Variants in WDFY2 observed in about 807,000 individuals in gnomAD.
The protein encoded by WDFY2 is WD repeat and FYVE domain-containing protein 2.
In WDFY2, 36 loss-of-function variants were observed where a neutral mutation model predicts 56.4. That is an observed-to-expected ratio of 0.64 (90% confidence interval 0.49 to 0.84). The LOEUF (loss-of-function observed/expected upper bound fraction) is 0.84. WDFY2 is among the 40% of genes least tolerant of loss of function. The probability of loss-of-function intolerance (pLI) is 0.00; values close to 1 mark genes in which losing one functional copy is unlikely to be tolerated. For missense variants in WDFY2, 444 were observed against 512.2 expected, an observed-to-expected ratio of 0.87 and a Z score of 1.29; for synonymous variants, 176 against 183.7, an observed-to-expected ratio of 0.96 and a Z score of 0.34.
intron 1 of WDFY2, among the ~76,000 whole-genome samples, chr13:51,654,120 A>G (rs1350534577): frequency 6.6e-6 from 1 of 152,020 alleles, no homozygotes; most frequent in African/African-American, 2.4e-5. Flanking sequence ...CCCCTCCCCC[A>G]GCCTCGCTGC....
At position 51,759,834 on chromosome 13, in the gene WDFY2, T is replaced by G; in HGVS notation, c.*65T>G. ...AAACGGTTGTTTTAACCCAAATCAT[T>G]ACCAGAGTGGTAAAGCAGACATGTG... On this transcript the variant is annotated 3_prime_UTR_variant, in exon 12 of 12. Coordinates refer to ENST00000298125, the MANE Select transcript of WDFY2 (RefSeq NM_052950.4). 7.3e-7 allele frequency: 1 copy of G among 1,361,494 alleles called. No individual in the cohort carries two copies. The highest frequency in any genetic ancestry group is 1.0e-6 in the Non-Finnish European group (1 of 970,818). 84.3% of individuals were successfully genotyped at this position (1,361,494 alleles called of 1,614,324 possible).
intron 11 of WDFY2, among the ~76,000 whole-genome samples, chr13:51,759,257 A>G (rs1174095731): frequency 2.0e-5 from 3 of 152,228 alleles, no homozygotes; most frequent in African/African-American, 7.2e-5. Flanking sequence ...GGTATCTTGT[A>G]AAATGGTTTG....
At chr13:51,748,532 C>T (rs532370782) in intron 7 of WDFY2, among the ~76,000 whole-genome samples, 6 of 152,156 alleles carry the variant, frequency 3.9e-5, no homozygotes, top group South Asian at 2.1e-4. Context: ...ATAATCAAAG[C>T]GGTAAAACAT....
At chr13:51,719,127 C>T in intron 4 of WDFY2, 71 bp from the exon 5 acceptor site, 2 of 1,600,520 alleles carry the variant, frequency 1.2e-6, no homozygotes, top group Non-Finnish European at 1.7e-6. Context: ...AATGGTGCAT[C>T]TCTGTGGGCC....
rs189619611 is a variant in WDFY2, at chr13:51,695,569, G to A, written c.280-8027G>A. 4.4e-3 allele frequency among the ~76,000 whole-genome samples: 664 copies of A among 152,336 alleles called. 7 individuals are homozygous for A. The highest frequency in any genetic ancestry group is 0.016 in the African/African-American group (647 of 41,570). The stretch of plus-strand genomic sequence containing the variant: ...TTTTGTCTCAGAGGAGTACCCAGCT[G>A]TGTGAGGTGTCAGTCTGCCCCTACT... On this transcript the variant is annotated intron_variant, in intron 3 of 11. Transcript: ENST00000298125.
chr13:51,588,484 G>A (rs1363285046), intron 1 of WDFY2: 1 of 152,182 alleles, frequency 6.6e-6, no homozygotes, highest in African/African-American at 2.4e-5. Flanking sequence ...GGCAATTATA[G>A]GAAATCATTC....
intron 1 of WDFY2, among the ~76,000 whole-genome samples, chr13:51,645,259 T>C (rs1955243049): frequency 6.6e-6 from 1 of 151,994 alleles, no homozygotes; most frequent in South Asian, 2.1e-4. Flanking sequence ...TGTTGCAGGG[T>C]GTGATCTGTA....
At chr13:51,629,796 TGA>T (rs1321636870) in intron 1 of WDFY2, among the ~76,000 whole-genome samples, 8 of 149,770 alleles carry the variant, frequency 5.3e-5, no homozygotes, top group Non-Finnish European at 1.2e-4. Context: ...TTTAGTTCTT[TGA>T]TTTTTTTTTC....
At chr13:51,589,361 G>A (rs1429216599) in intron 1 of WDFY2, 2 of 152,012 alleles carry the variant, frequency 1.3e-5, no homozygotes, top group African/African-American at 4.8e-5. Flanking sequence ...TTTCTGCTTC[G>A]AGGGCCTTTT....
intron 1 of WDFY2, among the ~76,000 whole-genome samples, chr13:51,624,775 G>A (rs1392748953): frequency 2.6e-5 from 4 of 152,224 alleles, no homozygotes; most frequent in Non-Finnish European, 5.9e-5. Context: ...AAGATCTGAA[G>A]GAGGTTGGGG....
At chr13:51,725,259 CT>C (rs1262951810) in intron 5 of WDFY2, among the ~76,000 whole-genome samples, 1 of 152,142 alleles carries the variant, frequency 6.6e-6, no homozygotes, top group African/African-American at 2.4e-5. Context: ...AACAATAAGA[CT>C]ACTGAATGAG....
At chr13:51,679,752 G>A (rs1379124179) in intron 3 of WDFY2, among the ~76,000 whole-genome samples, 2 of 152,060 alleles carry the variant, frequency 1.3e-5, no homozygotes, top group Non-Finnish European at 2.9e-5. Flanking sequence ...GGTGTCAGGA[G>A]GGCCATGCTC....
Position 51,765,216 on chromosome 13 carries a change from T to C in WDFY2, c.*5447T>C, listed in dbSNP as rs760407054. On this transcript the variant is annotated 3_prime_UTR_variant, in exon 12 of 12. Transcript: ENST00000298125. ...TTTCCTTGTAGGACCCAAAGATCTA[T>C]GTCCAAAACTTAGTCCAGAAACATC... 1.3e-5 allele frequency: 2 copies of C among 152,254 alleles called. No individual in the cohort carries two copies. Among genetic ancestry groups the C allele is most frequent in the Non-Finnish European group, 2.9e-5 (2 of 68,050 alleles). The allele number at this position is 152,254 out of a possible 1,614,324, so 9.4% of individuals were successfully genotyped here.
chr13:51,625,354 G>T (rs1242322957), intron 1 of WDFY2, among the ~76,000 whole-genome samples: 1 of 152,186 alleles, frequency 6.6e-6, no homozygotes, highest in Non-Finnish European at 1.5e-5. Context: ...CATGTGCCCA[G>T]CATTTGTGTG....
intron 3 of WDFY2, among the ~76,000 whole-genome samples, chr13:51,701,960 G>T (rs909601802): frequency 6.6e-6 from 1 of 152,120 alleles, no homozygotes; most frequent in African/African-American, 2.4e-5. Context: ...GCACCTCCCA[G>T]GTTTCCTTAC....
intron 4 of WDFY2, among the ~76,000 whole-genome samples, chr13:51,713,794 C>A (rs1004699383): frequency 7.0e-6 from 1 of 142,870 alleles, no homozygotes; most frequent in African/African-American, 2.6e-5. Context: ...TTGCAGTGAG[C>A]TGAGATTGCA....
In WDFY2 at chr13:51,584,635, C is replaced by G; in HGVS notation, c.-53C>G. The G allele has an allele frequency of 6.4e-7, 1 of 1,572,154 alleles. No individual in the cohort carries two copies. The highest frequency in any genetic ancestry group is 8.6e-7 in the Non-Finnish European group (1 of 1,162,872). On this transcript the variant is annotated 5_prime_UTR_variant, in exon 1 of 12. Coordinates refer to ENST00000298125, the MANE Select transcript of WDFY2 (RefSeq NM_052950.4). ...GTCCGTGCTCCAGCAGTCTCCTCAG[C>G]CCGGCCCCGCGGCGCGGTTGGCGGC...
intron 1 of WDFY2, among the ~76,000 whole-genome samples, chr13:51,597,020 G>T (rs1362884343): frequency 6.6e-6 from 1 of 152,208 alleles, no homozygotes; most frequent in Non-Finnish European, 1.5e-5. Context: ...CTGGGGGCAT[G>T]TGTGGGCTTG....
intron 1 of WDFY2, among the ~76,000 whole-genome samples, chr13:51,619,718 GA>G (rs796825952): frequency 2.7e-4 from 41 of 152,340 alleles, no homozygotes; most frequent in African/African-American, 9.6e-4. Flanking sequence ...GTAGTCCCCA[GA>G]ACCAGAATAG....
Sources: gnomAD v4.1 joint callset for allele counts (sites outside exome capture counted in the v4.1 genomes callset) on GRCh38, gnomAD v4.1.1 for gene constraint, MANE v1.5 for transcripts, NCBI Gene and HGNC (gene_info 2026-07-23, HGNC 2026-07-21) for gene names.